GNG4: variants seen among roughly 807,000 people sequenced by gnomAD.
GNG4 encodes G protein subunit gamma 4, also known as guanine nucleotide-binding protein G(I)/G(S)/G(O) subunit gamma-4.
A neutral mutation model predicts 5.8 loss-of-function variants in GNG4; 4 were observed. That is an observed-to-expected ratio of 0.69 (90% confidence interval 0.34 to 1.57). GNG4 has a LOEUF of 1.57. GNG4 is among the 40% of genes most tolerant of loss of function. GNG4 has a pLI of 0.06. For synonymous variants in GNG4, 29 were observed against 32.9 expected, an observed-to-expected ratio of 0.88 and a Z score of 0.41; for missense variants, 96 against 95.1, an observed-to-expected ratio of 1.01 and a Z score of -0.04.
intron 1 of GNG4, among the ~76,000 whole-genome samples, chr1:235,599,843 A>G (rs1688216322): frequency 2.0e-5 from 3 of 152,144 alleles, no homozygotes; most frequent in Admixed American, 2.0e-4. Flanking sequence ...TAGATAACTT[A>G]CTAACTCTAG....
At position 235,630,859 on chromosome 1, in the gene GNG4, G is replaced by A. The variant is rs1202317141; in HGVS notation, c.-123+18803C>T. 9.9e-5 allele frequency among the ~76,000 whole-genome samples: 15 copies of A among 152,116 alleles called. No individual in the cohort carries two copies. The South Asian group carries it at 1.5e-3, about 15-fold the overall frequency. On this transcript the variant is annotated intron_variant, in intron 1 of 3. Coordinates refer to ENST00000391854, the MANE Select transcript of GNG4 (RefSeq NM_001098722.2). ...CTCAATGTCAACAGTAAAATGAAAC[G>A]TGAGCCTAACCAATCACCAGCTAAT...
chr1:235,592,278 G>A (rs1306324570), intron 2 of GNG4, among the ~76,000 whole-genome samples: 1 of 152,176 alleles, frequency 6.6e-6, no homozygotes, highest in Non-Finnish European at 1.5e-5. Context: ...GGCCGAGGCA[G>A]GTGGATCACT....
intron 3 of GNG4, among the ~76,000 whole-genome samples, chr1:235,576,579 T>A (rs151272254): frequency 2.4e-4 from 36 of 152,320 alleles, no homozygotes; most frequent in African/African-American, 8.2e-4. Context: ...ATCCTCCTCA[T>A]GCCTGCGACA....
At chr1:235,577,310 C>T (rs777504107) in intron 3 of GNG4, among the ~76,000 whole-genome samples, 1 of 152,152 alleles carries the variant, frequency 6.6e-6, no homozygotes, top group Non-Finnish European at 1.5e-5. Context: ...CGATTCCTAC[C>T]ATGGACCCTC....
At chr1:235,556,004 T>A (rs1225279488) in intron 3 of GNG4, among the ~76,000 whole-genome samples, 5 of 151,784 alleles carry the variant, frequency 3.3e-5, no homozygotes, top group Non-Finnish European at 7.4e-5. Flanking sequence ...GTAGCTGGGG[T>A]TACAGGCTCC....
intron 1 of GNG4, among the ~76,000 whole-genome samples, chr1:235,624,789 C>A (rs186585256): frequency 6.6e-6 from 1 of 152,344 alleles, no homozygotes; most frequent in Admixed American, 6.5e-5. Flanking sequence ...TTTGGCTCCA[C>A]TACCATTTCC....
At chr1:235,643,650 G>C (rs895301861) in intron 1 of GNG4, among the ~76,000 whole-genome samples, 29 of 152,356 alleles carry the variant, frequency 1.9e-4, no homozygotes, top group African/African-American at 6.7e-4. Context: ...CAGTATGTCT[G>C]TATTGGAAAA....
chr1:235,587,545 GGGTTGGGGTTGTGAATGTGGGA>G (rs1687824776), intron 2 of GNG4, among the ~76,000 whole-genome samples: 2 of 39,748 alleles, frequency 5.0e-5, no homozygotes, highest in African/African-American at 1.2e-4. Flanking sequence ...GTCAGGGTGT[GGGTTGGGGTTGTGAATGTGGGA>G]GGGTGTGGGG....
At chr1:235,590,705 C>T (rs1365654327) in intron 2 of GNG4, among the ~76,000 whole-genome samples, 2 of 152,160 alleles carry the variant, frequency 1.3e-5, no homozygotes, top group Non-Finnish European at 2.9e-5. Flanking sequence ...CTCCAAGGGG[C>T]TGCTCTGGCT....
chr1:235,557,060 C>A (rs1686931398), intron 3 of GNG4, among the ~76,000 whole-genome samples: 1 of 152,150 alleles, frequency 6.6e-6, no homozygotes, highest in South Asian at 2.1e-4. Context: ...TGCTTGCTCA[C>A]CCGCTGCTCA....
chr1:235,588,140 A>AT (rs1687870679), intron 2 of GNG4, among the ~76,000 whole-genome samples: 1 of 152,018 alleles, frequency 6.6e-6, no homozygotes. Context: ...CGTTTTCCAC[A>AT]TGCCCTACCC....
intron 3 of GNG4, among the ~76,000 whole-genome samples, chr1:235,561,552 G>A (rs1029287475): frequency 6.6e-6 from 1 of 151,968 alleles, no homozygotes; most frequent in Non-Finnish European, 1.5e-5. Flanking sequence ...CTGCCACCAT[G>A]CCTAGCTAAT....
Position 235,642,828 on chromosome 1 carries a change from C to A in GNG4, c.-123+6834G>T, listed in dbSNP as rs933883620. Among the ~76,000 whole-genome samples the A allele has an allele frequency of 6.6e-6, 1 of 152,286 alleles. No individual in the cohort carries two copies. The highest frequency in any genetic ancestry group is 2.1e-4 in the South Asian group (1 of 4,826). On this transcript the variant is annotated intron_variant, in intron 1 of 3. Transcript: ENST00000391854. This position sits in a 1 kb window ranked among gnomAD's most constrained non-coding sequence, Gnocchi z 4.3. ...TCACCTGGGTCCAGCCAGACCTCTG[C>A]TCAGCTCTGCACGTACATGCCCCCT...
At chr1:235,601,933 C>T (rs970664763) in intron 1 of GNG4, among the ~76,000 whole-genome samples, 3 of 152,000 alleles carry the variant, frequency 2.0e-5, no homozygotes, top group African/African-American at 4.8e-5. Flanking sequence ...CCCCTGGGAA[C>T]GTGTCAGAAA....
chr1:235,650,603 G>A (rs1443365516), upstream of GNG4: 2 of 152,236 alleles, frequency 1.3e-5, no homozygotes, highest in African/African-American at 2.4e-5. Flanking sequence ...CTGACCCGAC[G>A]TTGCTGAGTG....
chr1:235,645,626 C>T (rs538797342), intron 1 of GNG4, among the ~76,000 whole-genome samples: 21 of 151,798 alleles, frequency 1.4e-4, no homozygotes, highest in Non-Finnish European at 2.9e-4. Context: ...GGAGAAACCC[C>T]GTCTCTACTA....
At chr1:235,610,238 C>T (rs910872842) in intron 1 of GNG4, among the ~76,000 whole-genome samples, 1 of 152,150 alleles carries the variant, frequency 6.6e-6, no homozygotes, top group Non-Finnish European at 1.5e-5. Context: ...TTTCTGTCTC[C>T]TCATAAGATG....
At chr1:235,574,692 C>T (rs1190831610) in intron 3 of GNG4, among the ~76,000 whole-genome samples, 1 of 152,084 alleles carries the variant, frequency 6.6e-6, no homozygotes, top group African/African-American at 2.4e-5. Flanking sequence ...TATTTGTTCT[C>T]CTTTCTTTTA....
At chr1:235,607,992 C>T (rs1001184489) in intron 1 of GNG4, among the ~76,000 whole-genome samples, 57 of 148,306 alleles carry the variant, frequency 3.8e-4, no homozygotes, top group African/African-American at 1.1e-3. Flanking sequence ...GGCTGGAGTG[C>T]GGTGGCGTGA....
Sources: allele counts gnomAD v4.1 joint callset (sites outside exome capture counted in the v4.1 genomes callset), GRCh38; gene constraint gnomAD v4.1.1; non-coding constraint Gnocchi (gnomAD v3.1); transcripts MANE v1.5; gene names NCBI Gene and HGNC (gene_info 2026-07-23, HGNC 2026-07-21).